Variants in UBE2H observed in about 807,000 individuals in gnomAD.
The protein encoded by UBE2H is ubiquitin conjugating enzyme E2 H.
Under a neutral mutation model 29.0 loss-of-function variants are expected in UBE2H, and 3 were observed. That is an observed-to-expected ratio of 0.10 (90% CI 0.05 to 0.27). The LOEUF is 0.27. UBE2H is among the 10% of genes least tolerant of loss of function. UBE2H has a pLI of 1.00. For missense variants in UBE2H, 68 were observed against 228.2 expected (o/e 0.30, Z 4.52); for synonymous variants, 69 against 82.9 (o/e 0.83, Z 0.91).
chr7:129,873,105 G>A (rs1021182764), intron 3 of UBE2H, among the ~76,000 whole-genome samples: 3 of 147,920 alleles, frequency 2.0e-5, no homozygotes, highest in Admixed American at 6.8e-5. Context: ...TGCAAGCTCC[G>A]CCTCCCGGGT....
intron 5 of UBE2H, among the ~76,000 whole-genome samples, chr7:129,842,682 C>G (rs1051392602): frequency 1.3e-5 from 2 of 151,998 alleles, no homozygotes; most frequent in African/African-American, 2.4e-5. Context: ...ATGGGCAGAT[C>G]ACCTGAGGTC....
chr7:129,901,411 G>A (rs1218638198), intron 1 of UBE2H, among the ~76,000 whole-genome samples: 1 of 152,136 alleles, frequency 6.6e-6, no homozygotes, highest in Non-Finnish European at 1.5e-5. Flanking sequence ...CAGCGAGACT[G>A]CACAGCGCCA....
chr7:129,877,337 C>T (rs573531472), intron 3 of UBE2H, among the ~76,000 whole-genome samples: 4 of 152,158 alleles, frequency 2.6e-5, no homozygotes, highest in Non-Finnish European at 4.4e-5. Flanking sequence ...GTTGATCTTA[C>T]CTCCTCGCCC....
chr7:129,935,504 C>G (rs1211904622), intron 1 of UBE2H, among the ~76,000 whole-genome samples: 1 of 151,780 alleles, frequency 6.6e-6, no homozygotes, highest in Non-Finnish European at 1.5e-5. Flanking sequence ...GCCATTCTAT[C>G]CTGACAAAAG....
At chr7:129,871,812 C>T (rs2255639) in intron 3 of UBE2H, among the ~76,000 whole-genome samples, 144,008 of 152,226 alleles carry the variant, frequency 0.95, 68,518 homozygotes, top group East Asian at 1. Context: ...GAGAAGTACA[C>T]AGGTGATCTG....
chr7:129,865,947 T>G (rs2693723), intron 3 of UBE2H, among the ~76,000 whole-genome samples: 22 of 151,998 alleles, frequency 1.4e-4, no homozygotes, highest in Non-Finnish European at 2.6e-4. Context: ...TGAGTAAGGG[T>G]GGGGGGGTGC....
chr7:129,835,213 G>T, intron 6 of UBE2H, 152 bp from the exon 7 acceptor site: 1 of 1,181,956 alleles, frequency 8.5e-7, no homozygotes, highest in South Asian at 1.5e-5. Flanking sequence ...CTACAGCTAA[G>T]GAGAATCCCA....
rs541142037 is a variant in UBE2H at position 129,935,064 on chromosome 7, A to G, written c.53+17439T>C. On this transcript the variant is annotated intron_variant, in intron 1 of 6. Coordinates refer to ENST00000355621, the MANE Select transcript of UBE2H (RefSeq NM_003344.4). Reference sequence around the variant, plus strand: ...CAAAATAGAGGTGAAAGGTAAAAATAAACATATGTATATATAGAGGTATAC... The same window carrying G: ...CAAAATAGAGGTGAAAGGTAAAAATGAACATATGTATATATAGAGGTATAC... 2.6e-5 allele frequency among the ~76,000 whole-genome samples: 4 copies of G among 151,870 alleles called. No homozygotes were observed. In the South Asian group the frequency reaches 8.3e-4, roughly 32 times the overall value.
At chr7:129,944,318 T>C (rs1412052629) in intron 1 of UBE2H, among the ~76,000 whole-genome samples, 1 of 151,908 alleles carries the variant, frequency 6.6e-6, no homozygotes, top group Non-Finnish European at 1.5e-5. Context: ...ATCGCGCCAC[T>C]ACACTCAGCC....
At chr7:129,897,315 T>C (rs1264633222) in intron 1 of UBE2H, among the ~76,000 whole-genome samples, 3 of 152,200 alleles carry the variant, frequency 2.0e-5, no homozygotes, top group African/African-American at 7.2e-5. Flanking sequence ...AATTTGCTCT[T>C]ATAAAGAGGT....
chr7:129,907,889 T>A (rs1806852329), intron 1 of UBE2H, among the ~76,000 whole-genome samples: 1 of 152,188 alleles, frequency 6.6e-6, no homozygotes, highest in South Asian at 2.1e-4. Flanking sequence ...AAATCCTGAA[T>A]ATTTGATAGC....
Position 129,944,748 on chromosome 7 carries a change from A to ACGCACG in UBE2H, c.53+7754_53+7755insCGTGCG, listed in dbSNP as rs1554441932. 2.1e-3 allele frequency among the ~76,000 whole-genome samples: 290 copies of ACGCACG among 140,142 alleles called. 2 individuals carry two copies. The highest frequency in any genetic ancestry group is 6.6e-3 in the African/African-American group (245 of 37,194). 91.9% of individuals were successfully genotyped at this position (140,142 alleles called of 152,430 possible). A position where few individuals can be genotyped will look rare whatever the true frequency, so the allele number is the denominator to read the frequency against. On this transcript the variant is annotated intron_variant, in intron 1 of 6. Transcript: ENST00000355621. ...CACACACACACACACACACACACACACACGCACGCACGCACGCGCATGCGC... is the reference window on the plus strand; with the variant it reads ...CACACACACACACACACACACACACACGCACGCACGCACGCACGCACGCGCATGCGC...
intron 5 of UBE2H, among the ~76,000 whole-genome samples, chr7:129,844,510 C>T (rs540141692): frequency 3.1e-4 from 47 of 152,158 alleles, no homozygotes; most frequent in African/African-American, 1.0e-3. Flanking sequence ...ATAATAATAA[C>T]GATAAAAATG....
intron 1 of UBE2H, among the ~76,000 whole-genome samples, chr7:129,886,958 TGTA>T (rs746408541): frequency 6.6e-5 from 10 of 151,868 alleles, no homozygotes; most frequent in Non-Finnish European, 1.5e-4. Flanking sequence ...GTAGAAGAGG[TGTA>T]GAAGAAACAG....
intron 3 of UBE2H, among the ~76,000 whole-genome samples, chr7:129,860,060 C>T (rs973391450): frequency 6.6e-6 from 1 of 152,162 alleles, no homozygotes; most frequent in Admixed American, 6.5e-5. Flanking sequence ...ATACAGTAGG[C>T]GGAGTAAAAT....
intron 1 of UBE2H, among the ~76,000 whole-genome samples, chr7:129,887,317 G>T (rs1806383859): frequency 1.3e-5 from 2 of 150,624 alleles, no homozygotes; most frequent in African/African-American, 2.4e-5. Flanking sequence ...GGCCTCCCAG[G>T]TTCAAGCGAT....
At chr7:129,896,217 A>G (rs912624111) in intron 1 of UBE2H, among the ~76,000 whole-genome samples, 1 of 151,232 alleles carries the variant, frequency 6.6e-6, no homozygotes, top group Non-Finnish European at 1.5e-5. Context: ...GGCATCTGTA[A>G]TCCCAGCTAC....
chr7:129,879,083 G>C (rs543276560), intron 3 of UBE2H, among the ~76,000 whole-genome samples: 1 of 152,194 alleles, frequency 6.6e-6, no homozygotes, highest in East Asian at 1.9e-4. Context: ...TGCTGTTTAG[G>C]GGGCTAAAGA....
chr7:129,864,647 G>GT (rs1805866216), intron 3 of UBE2H, among the ~76,000 whole-genome samples: 1 of 147,728 alleles, frequency 6.8e-6, no homozygotes, highest in Non-Finnish European at 1.5e-5. Context: ...CACCTCACGG[G>GT]TTCAAGCTAT....
Sources: allele counts gnomAD v4.1 joint callset (sites outside exome capture counted in the v4.1 genomes callset), GRCh38; gene constraint gnomAD v4.1.1; transcripts MANE v1.5; gene names NCBI Gene and HGNC (gene_info 2026-07-23, HGNC 2026-07-21).